Variants in SLC23A1 observed in about 807,000 individuals in gnomAD.
SLC23A1 encodes solute carrier family 23 member 1, also known as Na(+)/L-ascorbic acid transporter 1.
Under a neutral mutation model 62.5 loss-of-function variants are expected in SLC23A1, and 31 were observed. The observed-to-expected ratio is 0.50, with a 90% CI of 0.37 to 0.67. The LOEUF is 0.67. Among genes scored for constraint, SLC23A1 ranks in the 30% least tolerant of loss-of-function variants. The pLI is 0.00. For missense variants in SLC23A1, 640 were observed against 782.7 expected (o/e 0.82, Z 2.18); for synonymous variants, 271 against 313.2 (o/e 0.87, Z 1.42).
In SLC23A1 at chr5:139,378,317, G is replaced by A. The variant is rs1758051157; in HGVS notation, c.1214C>T (p.Ala405Val). 5 of 1,584,940 alleles carry A rather than the reference G, an allele frequency of 3.2e-6. No individual in the cohort carries two copies. Among genetic ancestry groups the A allele is most frequent in the African/African-American group, 1.3e-5 (1 of 74,280 alleles). Reference sequence around the variant, plus strand: ...GATGGTGCCCAGGACCAGCATGATAGCCGCACCATACTGCACCACGCGCCG... The same window carrying A: ...GATGGTGCCCAGGACCAGCATGATAACCGCACCATACTGCACCACGCGCCG... ...GSRRVVQYGA[A>V]IMLVLGTIGK... The change falls in exon 11 of 15, where the codon GCT (alanine) becomes GTT (valine). Residue 405 changes from alanine to valine, a missense_variant. Physicochemically the swap from Ala to Val is moderately conservative, Grantham distance 64 (BLOSUM62 0). Coordinates refer to ENST00000348729, the MANE Select transcript of SLC23A1 (RefSeq NM_005847.5). The surrounding 1 kb of genome is among the most constrained non-coding windows in gnomAD (Gnocchi z 4.5).
At chr5:139,370,461 G>A (rs937707939) in intron 14 of SLC23A1, among the ~76,000 whole-genome samples, 3 of 142,412 alleles carry the variant, frequency 2.1e-5, no homozygotes, top group Admixed American at 7.3e-5. Context: ...GTGAGCCACC[G>A]CACCCAGCCT....
chr5:139,370,395 T>A (rs1757580147), intron 14 of SLC23A1, among the ~76,000 whole-genome samples: 2 of 152,298 alleles, frequency 1.3e-5, no homozygotes, highest in South Asian at 4.1e-4. Context: ...GGTCTTGAAC[T>A]CCTGACTTCA....
intron 14 of SLC23A1, among the ~76,000 whole-genome samples, chr5:139,370,013 C>T (rs1322504213): frequency 6.6e-6 from 1 of 152,118 alleles, no homozygotes; most frequent in Non-Finnish European, 1.5e-5. Flanking sequence ...TCTAATAGAA[C>T]CTCCATTGTT....
upstream of SLC23A1, chr5:139,384,730 G>C: frequency 1.0e-6 from 1 of 985,386 alleles, no homozygotes; most frequent in Non-Finnish European, 1.2e-6. Context: ...CAGATCCACA[G>C]TAGCATGAAG....
Position 139,378,633 on chromosome 5 carries a change from C to T in SLC23A1, c.1125G>A (p.Thr375=), listed in dbSNP as rs760525252. The T allele has an allele frequency of 1.7e-5, 28 of 1,612,388 alleles. No homozygotes were observed. Among genetic ancestry groups the T allele is most frequent in the Admixed American group, 5.0e-5 (3 of 59,772 alleles). The part of the protein sequence containing the change: ...ICCIIAGLLG[T]GNGSTSSSPN... ...GACTGGACGAGGTGGACCCGTTGCC[C>T]GTGCCCAATAGCCCCGCGATGATGC... The change falls in exon 10 of 15, where the codon ACG becomes ACA. Residue 375 remains threonine (T), a synonymous_variant. Transcript: ENST00000348729. The surrounding 1 kb of genome is among the most constrained non-coding windows in gnomAD (Gnocchi z 4.5).
intron 14 of SLC23A1, among the ~76,000 whole-genome samples, chr5:139,370,204 T>C (rs543467693): frequency 4.4e-4 from 67 of 152,302 alleles, no homozygotes; most frequent in Non-Finnish European, 8.2e-4. Flanking sequence ...GGAGTCCTGC[T>C]CTGTTGCCCA....
intron 13 of SLC23A1, among the ~76,000 whole-genome samples, chr5:139,376,861 G>A (rs1273001455): frequency 6.6e-6 from 1 of 152,176 alleles, no homozygotes; most frequent in Non-Finnish European, 1.5e-5. Context: ...AGTGGCTCAT[G>A]CCTGTAATCC....
Position 139,380,199 on chromosome 5 carries a change from C to T in SLC23A1, c.647+9G>A, listed in dbSNP as rs1758173947. The T allele has an allele frequency of 1.3e-6, 2 of 1,556,426 alleles. No individual in the cohort carries two copies. Among genetic ancestry groups the T allele is most frequent in the African/African-American group, 1.4e-5 (1 of 73,390 alleles). ...GGCTGGGCAGGGATCAGGCCTGGTG[C>T]CTGCTCACCAAGCTGAGATGCCCCA... On this transcript the variant is annotated intron_variant, in intron 6 of 14. Transcript: ENST00000348729.
At position 139,379,844 on chromosome 5, in the gene SLC23A1, G is replaced by A. The variant is rs779963142; in HGVS notation, c.769-10C>T. On this transcript the variant is annotated splice_polypyrimidine_tract_variant and intron_variant, in intron 7 of 14. Coordinates refer to ENST00000348729, the MANE Select transcript of SLC23A1 (RefSeq NM_005847.5). This position sits in a 1 kb window ranked among gnomAD's most constrained non-coding sequence, Gnocchi z 4.7. Reference sequence around the variant, plus strand: ...TGATGGCCAGCATGATCTGAAGGAGGGGGGTGAGGGGGCACTGAAGGCACT... The same window carrying A: ...TGATGGCCAGCATGATCTGAAGGAGAGGGGTGAGGGGGCACTGAAGGCACT... The A allele has an allele frequency of 1.9e-6, 3 of 1,614,152 alleles. No homozygotes were observed. Among genetic ancestry groups the A allele is most frequent in the Non-Finnish European group, 2.5e-6 (3 of 1,179,998 alleles).
At position 139,379,301 on chromosome 5, in the gene SLC23A1, C is replaced by T. The variant is rs1483574233; in HGVS notation, c.979G>A (p.Ala327Thr). ...GACTCAATGATGCCTGCCAGAGTGGCGCTGAACATTCCCAGGACAGCAGCC... is the reference window on the plus strand; with the variant it reads ...GACTCAATGATGCCTGCCAGAGTGGTGCTGAACATTCCCAGGACAGCAGCC... ...TAAAVLGMFS[A>T]TLAGIIESIG... is the part of the protein sequence containing the mutation. Residue 327 changes from alanine (A) to threonine (T), a missense_variant, in exon 9 of 15, where the codon GCC becomes ACC. Ala to Thr is a moderately conservative substitution (Grantham distance 58, BLOSUM62 0). Transcript: ENST00000348729. This position sits in a 1 kb window ranked among gnomAD's most constrained non-coding sequence, Gnocchi z 4.7. 5.0e-6 allele frequency: 8 copies of T among 1,614,170 alleles called. No individual in the cohort carries two copies. The highest frequency in any genetic ancestry group is 2.7e-5 in the African/African-American group (2 of 75,032).
chr5:139,367,741 T>G (rs1317857267), intron 14 of SLC23A1, 110 bp from the exon 15 acceptor site: 1 of 152,216 alleles, frequency 6.6e-6, no homozygotes, highest in Non-Finnish European at 1.5e-5. Context: ...ATTTCAACAC[T>G]TGTTTAACAT....
intron 14 of SLC23A1, chr5:139,369,849 G>C (rs1757543005): frequency 6.6e-6 from 1 of 152,126 alleles, no homozygotes; most frequent in Non-Finnish European, 1.5e-5. Flanking sequence ...ATTCTAACAG[G>C]TATGTTGCCA....
chr5:139,377,943 C>G, intron 12 of SLC23A1, 32 bp downstream of exon 12: 1 of 1,606,016 alleles, frequency 6.2e-7, no homozygotes, highest in Non-Finnish European at 8.5e-7. Flanking sequence ...GGGCCCACCC[C>G]GCCTTTGGAG....
Position 139,378,378 on chromosome 5 carries a change from G to T in SLC23A1, c.1180-27C>A, listed in dbSNP as rs1182642745. On this transcript the variant is annotated intron_variant, in intron 10 of 14. Transcript: ENST00000348729. The surrounding 1 kb of genome is among the most constrained non-coding windows in gnomAD (Gnocchi z 4.5). ...TGCCGGGGAGCCAGCGGGGAAGCTA[G>T]ACCTGGGGACGAGGCTGGGGCGGGG... 4 of 1,550,196 alleles carry T rather than the reference G, an allele frequency of 2.6e-6. No homozygotes were observed. The South Asian group carries it at 3.6e-5, about 14-fold the overall frequency.
chr5:139,382,209 C>A lies in SLC23A1; in HGVS notation c.151-160G>T, dbSNP rs972575997. 1.3e-5 allele frequency: 9 copies of A among 686,376 alleles called. No individual in the cohort carries two copies. In the African/African-American group the frequency reaches 1.6e-4, roughly 12 times the overall value. 42.5% of individuals were successfully genotyped at this position (686,376 alleles called of 1,614,324 possible). A position where few individuals can be genotyped will look rare whatever the true frequency, so the allele number is the denominator to read the frequency against. On this transcript the variant is annotated intron_variant, in intron 2 of 14. Coordinates refer to ENST00000348729, the MANE Select transcript of SLC23A1 (RefSeq NM_005847.5). ...GGGATTCCCAGAGAGCTACTGCTGACCACTCTGGGGGTCACTAATTTCCAC... is the reference window on the plus strand; with the variant it reads ...GGGATTCCCAGAGAGCTACTGCTGAACACTCTGGGGGTCACTAATTTCCAC...
chr5:139,368,072 ACGCC>A (rs1296242998), intron 14 of SLC23A1, among the ~76,000 whole-genome samples: 3 of 152,146 alleles, frequency 2.0e-5, no homozygotes, highest in Non-Finnish European at 4.4e-5. Context: ...GCGGTGGCTT[ACGCC>A]TGTAATCCCA....
At position 139,380,592 on chromosome 5, in the gene SLC23A1, A is replaced by G; in HGVS notation, c.438T>C (p.Ser146=). Residue 146 remains serine (S), a synonymous_variant, in exon 5 of 15, where the codon TCT becomes TCC. Transcript: ENST00000348729. ...YGNWSLPLNT[S]HIWHPRIREV... The stretch of plus-strand genomic sequence containing the variant: ...CCCGTATCCGTGGGTGCCAAATATG[A>G]GAGGTGTTCAGGGGCAGACTCCAGT... The G allele has an allele frequency of 6.2e-7, 1 of 1,614,042 alleles. No homozygotes were observed. Among genetic ancestry groups the G allele is most frequent in the Non-Finnish European group, 8.5e-7 (1 of 1,179,970 alleles).
At chr5:139,377,074 G>A (rs773256174) in intron 13 of SLC23A1, among the ~76,000 whole-genome samples, 1 of 151,612 alleles carries the variant, frequency 6.6e-6, no homozygotes, top group Non-Finnish European at 1.5e-5. Flanking sequence ...AGCTGAGATC[G>A]CACCACTGCA....
At chr5:139,372,919 T>C (rs1473204819) in intron 13 of SLC23A1, among the ~76,000 whole-genome samples, 1 of 152,034 alleles carries the variant, frequency 6.6e-6, no homozygotes, top group Non-Finnish European at 1.5e-5. Flanking sequence ...GGACAAAAAG[T>C]TAAGTAATTG....
Sources: allele counts gnomAD v4.1 joint callset (sites outside exome capture counted in the v4.1 genomes callset), GRCh38; gene constraint gnomAD v4.1.1; non-coding constraint Gnocchi (gnomAD v3.1); transcripts MANE v1.5; gene names NCBI Gene and HGNC (gene_info 2026-07-23, HGNC 2026-07-21).